CDH13: variants seen among roughly 807,000 people sequenced by gnomAD.
CDH13 encodes the protein cadherin-13.
Under a neutral mutation model 63.8 loss-of-function variants are expected in CDH13, and 24 were observed. The ratio of observed to expected loss-of-function variants is 0.38; its 90% confidence interval spans 0.27 to 0.53. The LOEUF is 0.53. Among genes scored for constraint, CDH13 ranks in the 20% least tolerant of loss-of-function variants. The pLI is 0.85. For missense variants in CDH13, 1,049 were observed against 903.1 expected, an observed-to-expected ratio of 1.16 and a Z score of -2.07; for synonymous variants, 503 against 355.3, an observed-to-expected ratio of 1.42 and a Z score of -4.67.
At chr16:83,163,576 G>A (rs1017763377) in intron 4 of CDH13, among the ~76,000 whole-genome samples, 2 of 152,012 alleles carry the variant, frequency 1.3e-5, no homozygotes, top group African/African-American at 2.4e-5. Context: ...AGAAATTTCC[G>A]ACTCTGTTTT....
chr16:83,322,664 C>G (rs993370559), intron 5 of CDH13, among the ~76,000 whole-genome samples: 1 of 152,094 alleles, frequency 6.6e-6, no homozygotes, highest in African/African-American at 2.4e-5. Flanking sequence ...GAAGGATGAA[C>G]TCTGGGACTG....
At chr16:83,362,918 G>A (rs1481445166) in intron 6 of CDH13, among the ~76,000 whole-genome samples, 1 of 152,194 alleles carries the variant, frequency 6.6e-6, no homozygotes, top group African/African-American at 2.4e-5. Context: ...GTTTCAGCTG[G>A]AAGTGTGCAC....
At chr16:83,155,287 T>C (rs1448792054) in intron 4 of CDH13, among the ~76,000 whole-genome samples, 1 of 152,148 alleles carries the variant, frequency 6.6e-6, no homozygotes, top group African/African-American at 2.4e-5. Context: ...AGAGTCAGCA[T>C]TGTAAAGCAA....
At position 83,104,549 on chromosome 16, in the gene CDH13, A is replaced by T. The variant is rs74033153; in HGVS notation, c.367-20836A>T. Among the ~76,000 whole-genome samples, 488 of 151,978 alleles carry T rather than the reference A, an allele frequency of 3.2e-3. 4 individuals are homozygous for T. Among genetic ancestry groups the T allele is most frequent in the African/African-American group, 0.012 (478 of 41,438 alleles). On this transcript the variant is annotated intron_variant, in intron 3 of 13. Coordinates refer to ENST00000567109, the MANE Select transcript of CDH13 (RefSeq NM_001257.5). ...CTAGTGTTTTAATTAAAATGTCTTT[A>T]GCAAAAAAGGAAGAAGAATAGTACT...
intron 2 of CDH13, among the ~76,000 whole-genome samples, chr16:83,007,080 C>G (rs557940976): frequency 2.0e-5 from 3 of 152,126 alleles, no homozygotes; most frequent in South Asian, 4.2e-4. Context: ...TGCACCACGC[C>G]CAGCTAATTT....
intron 1 of CDH13, chr16:82,844,662 C>T (rs112769317): frequency 0.37 from 45,983 of 123,460 alleles, 9,274 homozygotes; most frequent in East Asian, 0.83. Context: ...TTTTTTGAGA[C>T]AGAGTCTCGC....
At chr16:82,779,273 G>C (rs1319549268) in intron 1 of CDH13, among the ~76,000 whole-genome samples, 1 of 152,102 alleles carries the variant, frequency 6.6e-6, no homozygotes, top group Non-Finnish European at 1.5e-5. Context: ...ACATGTCCAA[G>C]ATCACACAGA....
At chr16:82,897,525 G>A (rs963799885) in intron 2 of CDH13, among the ~76,000 whole-genome samples, 2 of 152,224 alleles carry the variant, frequency 1.3e-5, no homozygotes, top group African/African-American at 2.4e-5. Context: ...TTACAGCAAC[G>A]CTGGGAGCTG....
chr16:83,564,416 G>GC (rs2075758274), intron 7 of CDH13, among the ~76,000 whole-genome samples: 3 of 7,474 alleles, frequency 4.0e-4, no homozygotes, highest in Non-Finnish European at 4.9e-4. Flanking sequence ...TTTTTTTTTT[G>GC]TTTTTGTTTT....
chr16:82,943,784 T>C (rs1019027481), intron 2 of CDH13, among the ~76,000 whole-genome samples: 17 of 152,250 alleles, frequency 1.1e-4, no homozygotes, highest in African/African-American at 3.6e-4. Flanking sequence ...CAAGGTAGTG[T>C]CTTGATGCTT....
At chr16:82,894,731 A>C (rs2041195011) in intron 2 of CDH13, among the ~76,000 whole-genome samples, 1 of 152,256 alleles carries the variant, frequency 6.6e-6, no homozygotes, top group Non-Finnish European at 1.5e-5. Flanking sequence ...GATGGGAAGT[A>C]ATGGGAAGGC....
At chr16:83,536,768 G>T (rs1488144913) in intron 7 of CDH13, among the ~76,000 whole-genome samples, 2 of 152,166 alleles carry the variant, frequency 1.3e-5, no homozygotes, top group Non-Finnish European at 2.9e-5. Flanking sequence ...GCAATTAGGT[G>T]GTAGAGATGG....
chr16:82,725,777 T>C (rs2033062480), intron 1 of CDH13, among the ~76,000 whole-genome samples: 1 of 152,216 alleles, frequency 6.6e-6, no homozygotes, highest in Non-Finnish European at 1.5e-5. Flanking sequence ...AATGTTCTTT[T>C]TTAATGAATA....
intron 7 of CDH13, among the ~76,000 whole-genome samples, chr16:83,533,567 C>T (rs549359848): frequency 3.7e-4 from 56 of 151,496 alleles, no homozygotes; most frequent in African/African-American, 1.1e-3. Context: ...GCACGGCCCA[C>T]GGCTTCCTTA....
At chr16:82,696,621 G>A (rs1247003324) in intron 1 of CDH13, among the ~76,000 whole-genome samples, 2 of 152,178 alleles carry the variant, frequency 1.3e-5, no homozygotes, top group Admixed American at 6.5e-5. Flanking sequence ...AGGAAAGCAG[G>A]CCCTACATGA....
intron 4 of CDH13, among the ~76,000 whole-genome samples, chr16:83,145,242 G>A (rs2036700908): frequency 6.6e-6 from 1 of 152,170 alleles, no homozygotes; most frequent in Admixed American, 6.5e-5. Context: ...CAAACTCGGA[G>A]CAGGGGTGAC....
intron 6 of CDH13, among the ~76,000 whole-genome samples, chr16:83,365,329 C>T (rs1408579809): frequency 6.6e-6 from 1 of 152,124 alleles, no homozygotes; most frequent in Non-Finnish European, 1.5e-5. Flanking sequence ...CTGTTCAGAC[C>T]CGTAAGTGAG....
chr16:82,824,663 G>A (rs570987475), intron 1 of CDH13: 4 of 152,188 alleles, frequency 2.6e-5, no homozygotes, highest in African/African-American at 9.6e-5. Context: ...TGCAATCTGC[G>A]AACTTCCACT....
intron 5 of CDH13, among the ~76,000 whole-genome samples, chr16:83,270,380 C>T (rs1219438601): frequency 6.6e-6 from 1 of 152,256 alleles, no homozygotes; most frequent in Admixed American, 6.5e-5. Context: ...ATAATATGCC[C>T]ACGAGGAAAT....
Sources: gnomAD v4.1 joint callset for allele counts (sites outside exome capture counted in the v4.1 genomes callset) on GRCh38, gnomAD v4.1.1 for gene constraint, MANE v1.5 for transcripts, NCBI Gene and HGNC (gene_info 2026-07-23, HGNC 2026-07-21) for gene names.